SNED1: variants seen among roughly 807,000 people sequenced by gnomAD.
The protein encoded by SNED1 is sushi, nidogen and EGF like domains 1.
In SNED1, 81 loss-of-function variants were observed where a neutral mutation model predicts 166.7. The observed-to-expected ratio is 0.49, with a 90% CI of 0.41 to 0.58. SNED1 has a LOEUF of 0.58. Among genes scored for constraint, SNED1 ranks in the 20% least tolerant of loss-of-function variants. The pLI is 0.00. For missense variants in SNED1, 1,604 were observed against 2,000.2 expected, an observed-to-expected ratio of 0.80 and a Z score of 3.78; for synonymous variants, 762 against 822.0, an observed-to-expected ratio of 0.93 and a Z score of 1.25.
Position 241,040,354 on chromosome 2 carries a change from T to C in SNED1, c.1214T>C (p.Leu405Pro). 1 of 1,609,610 alleles carries C rather than the reference T, an allele frequency of 6.2e-7. No individual in the cohort carries two copies. Among genetic ancestry groups the C allele is most frequent in the Non-Finnish European group, 8.5e-7 (1 of 1,178,086 alleles). ...PCLNGGSCVD[L>P]VGNYTCLCAE... ...CTGAATGGAGGCTCTTGTGTTGACC[T>C]AGTGGGGAATTACACCTGCTTGTGT... Residue 405 changes from leucine to proline, a missense_variant, in exon 8 of 32, where the codon CTA becomes CCA. Around this residue, in one of 2 missense-constraint regions of SNED1, gnomAD observed 1,237 missense variants for 1,620.8 expected, o/e 0.76. Coordinates refer to ENST00000310397, the MANE Select transcript of SNED1 (RefSeq NM_001080437.3).
intron 16 of SNED1, among the ~76,000 whole-genome samples, chr2:241,058,434 G>A (rs1020539852): frequency 2.6e-5 from 4 of 152,030 alleles, no homozygotes; most frequent in African/African-American, 9.7e-5. Flanking sequence ...GAGGAATAAA[G>A]GTAAAAGCCA....
rs553043766 is a variant in SNED1 at position 241,029,748 on chromosome 2, G to T, written c.214-536G>T. Among the ~76,000 whole-genome samples, 10 of 152,350 alleles carry T rather than the reference G, an allele frequency of 6.6e-5. No individual in the cohort carries two copies. The South Asian group carries it at 2.1e-3, about 32-fold the overall frequency. On this transcript the variant is annotated intron_variant, in intron 1 of 31. Coordinates refer to ENST00000310397, the MANE Select transcript of SNED1 (RefSeq NM_001080437.3). ...CCCGCTGCCTGGAGGCCGAGCACAG[G>T]CTCCCCTACTTGGCCCCTGCAGCCT...
At chr2:241,024,140 C>T (rs1366633528) in intron 1 of SNED1, among the ~76,000 whole-genome samples, 1 of 151,120 alleles carries the variant, frequency 6.6e-6, no homozygotes, top group Non-Finnish European at 1.5e-5. Context: ...CCTGGGCCTC[C>T]CAAAGTCCTG....
chr2:241,016,608 G>A (rs1267480212), intron 1 of SNED1, among the ~76,000 whole-genome samples: 1 of 152,122 alleles, frequency 6.6e-6, no homozygotes, highest in African/African-American at 2.4e-5. Flanking sequence ...TTCATGTACT[G>A]TCTTTGTTAA....
chr2:241,024,652 CTTATTTTATTTTATT>C (rs371310534), intron 1 of SNED1, among the ~76,000 whole-genome samples: 2 of 139,540 alleles, frequency 1.4e-5, no homozygotes, highest in Non-Finnish European at 3.1e-5. Flanking sequence ...CTTATTTTAT[CTTATTTTATTTTATT>C]TTATTTTATT....
Position 241,053,165 on chromosome 2 carries a change from GC to G in SNED1, c.2102del (p.Pro701ArgfsTer4). ...GRRCQAEVDC[G>X]PPEEVKHATL... ...CCGTGCCTTGCAGAGGTGGACTGCG[GC>G]CCCCCGGAGGAGGTGAAGCACGCCA... On this transcript the variant is annotated frameshift_variant, in exon 16 of 32. Transcript: ENST00000310397. LOFTEE classifies it high-confidence loss of function. 1.9e-6 allele frequency: 3 copies of G among 1,610,124 alleles called. No homozygotes were observed. Among genetic ancestry groups the G allele is most frequent in the Non-Finnish European group, 8.5e-7 (1 of 1,179,144 alleles).
intron 1 of SNED1, among the ~76,000 whole-genome samples, chr2:241,021,318 C>T (rs1035920728): frequency 2.6e-5 from 4 of 152,220 alleles, no homozygotes; most frequent in Non-Finnish European, 5.9e-5. Context: ...GCAGTTCACT[C>T]TTTTAAAGTA....
intron 31 of SNED1, chr2:241,088,792 G>T: frequency 4.0e-6 from 1 of 252,070 alleles, no homozygotes. Flanking sequence ...CACGGGCAGC[G>T]GGAGGGCCTG....
chr2:241,014,797 C>A (rs932831467), intron 1 of SNED1, among the ~76,000 whole-genome samples: 1 of 152,150 alleles, frequency 6.6e-6, no homozygotes, highest in Non-Finnish European at 1.5e-5. Flanking sequence ...TTCATTTTGT[C>A]CTTCACACGC....
Position 241,069,228 on chromosome 2 carries a change from C to T in SNED1, c.3307+205C>T, listed in dbSNP as rs1331239366. On this transcript the variant is annotated intron_variant, in intron 23 of 31. Coordinates refer to ENST00000310397, the MANE Select transcript of SNED1 (RefSeq NM_001080437.3). The surrounding 1 kb of genome is among the most constrained non-coding windows in gnomAD (Gnocchi z 4.9). ...CTTGTGCTGGGACAGCTGTCCAGGG[C>T]AGTCTCCATCTCTAAAGGCTCCTGG... 6.6e-6 allele frequency among the ~76,000 whole-genome samples: 1 copy of T among 152,206 alleles called. No individual in the cohort carries two copies. The highest frequency in any genetic ancestry group is 2.4e-5 in the African/African-American group (1 of 41,448).
At chr2:241,049,279 A>G in intron 11 of SNED1, 144 bp downstream of exon 11, 2 of 631,878 alleles carry the variant, frequency 3.2e-6, no homozygotes, top group South Asian at 1.9e-5. Flanking sequence ...GCCTCTCTCA[A>G]TAGCCTTCCT....
chr2:241,032,918 G>A lies in SNED1; in HGVS notation c.502-817G>A, dbSNP rs147469998. Among the ~76,000 whole-genome samples, 132 of 152,260 alleles carry A rather than the reference G, an allele frequency of 8.7e-4. 1 individual carries two copies. In the East Asian group the frequency reaches 0.02, roughly 23 times the overall value. ...CTCGATAATTTTATCTGCTGTATGC[G>A]TTATAAATAGGTTTTTCACATTGCT... On this transcript the variant is annotated intron_variant, in intron 2 of 31. Coordinates refer to ENST00000310397, the MANE Select transcript of SNED1 (RefSeq NM_001080437.3).
chr2:241,017,325 T>C (rs2060628347), intron 1 of SNED1, among the ~76,000 whole-genome samples: 8 of 152,262 alleles, frequency 5.3e-5, no homozygotes, highest in Admixed American at 5.2e-4. Flanking sequence ...TGTTGGGTTC[T>C]GTTGCTGTCT....
At chr2:241,048,273 C>G (rs747527419) in intron 8 of SNED1, 42 bp from the exon 9 acceptor site, 2 of 1,553,122 alleles carry the variant, frequency 1.3e-6, no homozygotes, top group Admixed American at 3.9e-5. Flanking sequence ...ACTCTCCCCA[C>G]ATTCCCTGCG....
intron 27 of SNED1, among the ~76,000 whole-genome samples, chr2:241,078,666 T>C (rs1054892458): frequency 1.3e-5 from 2 of 151,952 alleles, no homozygotes; most frequent in Non-Finnish European, 2.9e-5. Context: ...CAGTAACAGC[T>C]AAAAGGTACA....
chr2:241,019,521 G>A (rs1373410797), intron 1 of SNED1, among the ~76,000 whole-genome samples: 1 of 152,230 alleles, frequency 6.6e-6, no homozygotes, highest in East Asian at 1.9e-4. Context: ...CAGTGAGGCA[G>A]GGAGGCCAGC....
chr2:241,072,931 A>C, intron 26 of SNED1: 1 of 361,142 alleles, frequency 2.8e-6, no homozygotes, highest in Non-Finnish European at 5.0e-6. Flanking sequence ...GTGGAAGGAG[A>C]GGAATGCAGA....
intron 4 of SNED1, 48 bp from the exon 5 acceptor site, chr2:241,036,742 G>T (rs767598624): frequency 1.3e-6 from 2 of 1,599,008 alleles, no homozygotes; most frequent in South Asian, 2.2e-5. Flanking sequence ...CTCTCCTGCC[G>T]AGTCCGGAGG....
Position 241,090,352 on chromosome 2 carries a change from C to G in SNED1, c.*2-1286C>G, listed in dbSNP as rs1028168162. On this transcript the variant is annotated intron_variant, in intron 31 of 31. Coordinates refer to ENST00000310397, the MANE Select transcript of SNED1 (RefSeq NM_001080437.3). ...CCAGTAACACACATGGAGCTGCCAC[C>G]TCCTGTGACAATGATGCCTTCTTCT... The G allele has an allele frequency of 1.5e-5, 23 of 1,550,170 alleles. No individual in the cohort carries two copies. In the African/African-American group the frequency reaches 3.0e-4, roughly 20 times the overall value.
Sources: allele counts gnomAD v4.1 joint callset (sites outside exome capture counted in the v4.1 genomes callset), GRCh38; gene constraint gnomAD v4.1.1; regional missense constraint gnomAD v4.1.1; non-coding constraint Gnocchi (gnomAD v3.1); transcripts MANE v1.5; gene names NCBI Gene and HGNC (gene_info 2026-07-23, HGNC 2026-07-21).